WHRN: variants seen among roughly 807,000 people sequenced by gnomAD.
WHRN encodes CASK-interacting protein CIP98.
WHRN carries 41 observed loss-of-function variants against 68.3 expected under a neutral mutation model. The ratio of observed to expected loss-of-function variants is 0.60; its 90% CI spans 0.47 to 0.78. The LOEUF (loss-of-function observed/expected upper bound fraction) is 0.78, where lower values mean the gene tolerates loss of function less well. Ranked by LOEUF, WHRN falls within the 30% of genes least tolerant of loss-of-function variation. The pLI is 0.00. For missense variants in WHRN, 1,243 were observed against 1,244.7 expected (o/e 1.00, Z 0.02); for synonymous variants, 560 against 561.3 (o/e 1.00, Z 0.03).
intron 7 of WHRN, among the ~76,000 whole-genome samples, chr9:114,408,628 T>C (rs1045654329): frequency 6.6e-5 from 10 of 152,258 alleles, no homozygotes; most frequent in Admixed American, 5.9e-4. Flanking sequence ...GGAGCTCCTC[T>C]CTGAGCTGGG....
intron 9 of WHRN, 81 bp downstream of exon 9, chr9:114,406,274 C>A: frequency 2.5e-6 from 4 of 1,594,462 alleles, no homozygotes; most frequent in Non-Finnish European, 3.4e-6. Flanking sequence ...TGGTCCCCCC[C>A]TTCACTGTGT....
intron 3 of WHRN, among the ~76,000 whole-genome samples, chr9:114,447,793 T>C (rs1564165395): frequency 6.6e-6 from 1 of 151,850 alleles, no homozygotes; most frequent in African/African-American, 2.4e-5. Context: ...TCTCTCTCTC[T>C]CCCCCAGCCT....
intron 1 of WHRN, among the ~76,000 whole-genome samples, chr9:114,486,743 C>G (rs1211917481): frequency 1.3e-5 from 2 of 149,350 alleles, no homozygotes; most frequent in African/African-American, 5.0e-5. Context: ...GGAATTCCAT[C>G]CTAGCTCTGC....
chr9:114,469,344 C>G (rs902853481), intron 2 of WHRN, among the ~76,000 whole-genome samples: 1 of 152,198 alleles, frequency 6.6e-6, no homozygotes, highest in African/African-American at 2.4e-5. Flanking sequence ...AGGCCTTGTG[C>G]TGGGTCACTC....
rs758627879 is a variant in WHRN at position 114,478,707 on chromosome 9, T to C, written c.683A>G (p.Tyr228Cys). The change falls in exon 2 of 12, where the codon TAC becomes TGC. Residue 228 changes from tyrosine (Y) to cysteine (C), a missense_variant. Coordinates refer to ENST00000362057, the MANE Select transcript of WHRN (RefSeq NM_015404.4). ...VYSAGRIPGG[Y>C]VTNHIYTWVD... ...CCAGGTGTAGATGTGGTTGGTGACG[T>C]AGCCCCCAGGGATGCGCCCTGCTGA... The C allele has an allele frequency of 4.3e-6, 7 of 1,611,052 alleles. No individual in the cohort carries two copies. The highest frequency in any genetic ancestry group is 2.2e-5 in the East Asian group (1 of 44,718).
At chr9:114,463,420 C>T (rs754881636) in intron 3 of WHRN, among the ~76,000 whole-genome samples, 6 of 152,184 alleles carry the variant, frequency 3.9e-5, no homozygotes, top group African/African-American at 1.2e-4. Context: ...CTAATCTTTA[C>T]GTTTCTGGGG....
At chr9:114,443,642 C>T (rs1046763207) in intron 3 of WHRN, among the ~76,000 whole-genome samples, 13 of 152,290 alleles carry the variant, frequency 8.5e-5, no homozygotes, top group Non-Finnish European at 1.3e-4. Flanking sequence ...GCCATATAAC[C>T]TAACATAGTC....
intron 3 of WHRN, among the ~76,000 whole-genome samples, chr9:114,432,783 T>A (rs73658903): frequency 6.6e-6 from 1 of 152,190 alleles, no homozygotes; most frequent in African/African-American, 2.4e-5. Flanking sequence ...GTAGCTAACA[T>A]ACAGTAACTG....
rs188760677 is a variant in WHRN at position 114,440,803 on chromosome 9, T to C, written c.964-14390A>G. Among the ~76,000 whole-genome samples, 372 of 152,350 alleles carry C rather than the reference T, an allele frequency of 2.4e-3. 1 individual carries two copies. The highest frequency in any genetic ancestry group is 8.7e-3 in the African/African-American group (360 of 41,578). On this transcript the variant is annotated intron_variant, in intron 3 of 11. Coordinates refer to ENST00000362057, the MANE Select transcript of WHRN (RefSeq NM_015404.4). The stretch of plus-strand genomic sequence containing the variant: ...CATCTCTGCATGAGCAGTCTGTCTC[T>C]ACAGTAAATTGCATATCATAGTAAA...
At chr9:114,483,466 T>C (rs1260012348) in intron 1 of WHRN, among the ~76,000 whole-genome samples, 1 of 152,222 alleles carries the variant, frequency 6.6e-6, no homozygotes, top group Non-Finnish European at 1.5e-5. Context: ...TAAACAAAGC[T>C]GGTCATGTTT....
chr9:114,406,357 C>G lies in WHRN; in HGVS notation c.2234G>C (p.Arg745Pro). 2 of 1,614,028 alleles carry G rather than the reference C, an allele frequency of 1.2e-6. No individual in the cohort carries two copies. Reference sequence around the variant, plus strand: ...GAGCCTGGCCTTGCTGTACTCACTGCGCGTCTGGGGCAGCGCCCTCACTTC... The same window carrying G: ...GAGCCTGGCCTTGCTGTACTCACTGGGCGTCTGGGGCAGCGCCCTCACTTC... ...VNEVRALPQTRTASTLSQLSD... is the reference protein window; with the variant it reads ...VNEVRALPQTPTASTLSQLSD... The change falls in exon 9 of 12, where the codon CGC (arginine) becomes CCC (proline). Residue 745 changes from arginine (R) to proline (P), a missense_variant and splice_region_variant. By Grantham distance (103) the Arg-to-Pro change is moderately radical. Transcript: ENST00000362057.
At chr9:114,487,945 A>T (rs1842677999) in intron 1 of WHRN, among the ~76,000 whole-genome samples, 1 of 152,230 alleles carries the variant, frequency 6.6e-6, no homozygotes, top group Non-Finnish European at 1.5e-5. Context: ...CTCCCAGTTT[A>T]GGCAGATCTT....
chr9:114,434,981 C>A (rs1307739345), intron 3 of WHRN, among the ~76,000 whole-genome samples: 1 of 152,204 alleles, frequency 6.6e-6, no homozygotes, highest in East Asian at 1.9e-4. Context: ...CCACTCCAGA[C>A]CTTGGAGACC....
chr9:114,435,246 C>T (rs1179691244), intron 3 of WHRN, among the ~76,000 whole-genome samples: 2 of 152,202 alleles, frequency 1.3e-5, no homozygotes, highest in Admixed American at 6.5e-5. Context: ...ATGGGAAACA[C>T]CTGACAAATG....
At position 114,452,408 on chromosome 9, in the gene WHRN, T is replaced by C. The variant is rs186239695; in HGVS notation, c.963+13859A>G. ...TTTCCATCACGCAAATTCAGGGTTA[T>C]AGGGCTAACAAGGACAGCACCTGGC... On this transcript the variant is annotated intron_variant, in intron 3 of 11. Coordinates refer to ENST00000362057, the MANE Select transcript of WHRN (RefSeq NM_015404.4). 6.6e-5 allele frequency among the ~76,000 whole-genome samples: 10 copies of C among 152,362 alleles called. No homozygotes were observed. In the East Asian group the frequency reaches 1.7e-3, roughly 26 times the overall value.
intron 1 of WHRN, among the ~76,000 whole-genome samples, chr9:114,481,835 C>A (rs1842114507): frequency 6.6e-6 from 1 of 152,214 alleles, no homozygotes; most frequent in South Asian, 2.1e-4. Flanking sequence ...CATCACCCAG[C>A]ACACATCAGG....
intron 1 of WHRN, among the ~76,000 whole-genome samples, chr9:114,486,522 G>C (rs866735564): frequency 4.6e-5 from 7 of 152,188 alleles, no homozygotes; most frequent in African/African-American, 1.7e-4. Flanking sequence ...ATTCATCGTT[G>C]AACAAGATAT....
intron 1 of WHRN, among the ~76,000 whole-genome samples, chr9:114,480,206 G>A (rs1285935747): frequency 6.6e-6 from 1 of 152,052 alleles, no homozygotes; most frequent in East Asian, 1.9e-4. Context: ...AAACTCTACA[G>A]CCTGGGGTGG....
rs779392404 is a variant in WHRN, at chr9:114,504,517, A to T, written c.285T>A (p.Arg95=). 1.2e-6 allele frequency: 2 copies of T among 1,609,932 alleles called. No homozygotes were observed. Among genetic ancestry groups the T allele is most frequent in the East Asian group, 4.5e-5 (2 of 44,872 alleles). The part of the protein sequence containing the change: ...PVKRRLLPML[R]LVIPRSDQLL... ...GCTGGTCGGAGCGCGGGATGACCAGACGAAGCATGGGCAGCAGGCGCCGCT... is the reference window on the plus strand; with the variant it reads ...GCTGGTCGGAGCGCGGGATGACCAGTCGAAGCATGGGCAGCAGGCGCCGCT... The change falls in exon 1 of 12, where the codon CGT becomes CGA. Residue 95 remains arginine, a synonymous_variant. Transcript: ENST00000362057.
Sources: allele counts gnomAD v4.1 joint callset (sites outside exome capture counted in the v4.1 genomes callset), GRCh38; gene constraint gnomAD v4.1.1; transcripts MANE v1.5; gene names NCBI Gene and HGNC (gene_info 2026-07-23, HGNC 2026-07-21).